Variants in NEMF observed in about 807,000 individuals in gnomAD.
The protein encoded by NEMF is nuclear export mediator factor.
Under a neutral mutation model 162.2 loss-of-function variants are expected in NEMF, and 89 were observed. That is an observed-to-expected ratio of 0.55 (90% CI 0.46 to 0.65). NEMF has a LOEUF of 0.65. NEMF is among the 30% of genes least tolerant of loss of function. The pLI is 0.00. For synonymous variants in NEMF, 421 were observed against 404.5 expected, an observed-to-expected ratio of 1.04 and a Z score of -0.49; for missense variants, 1,133 against 1,261.9, an observed-to-expected ratio of 0.90 and a Z score of 1.55.
In NEMF at chr14:49,847,949, T is replaced by C. The variant is rs1331320832; in HGVS notation, c.232-1684A>G. Reference sequence around the variant, plus strand: ...CAGGAGGCTGAGGCAAAAGAATCGCTTGAACCCAAGAGGCGGAGGTTACAG... The same window carrying C: ...CAGGAGGCTGAGGCAAAAGAATCGCCTGAACCCAAGAGGCGGAGGTTACAG... On this transcript the variant is annotated intron_variant, in intron 3 of 32. Transcript: ENST00000298310. 2.6e-5 allele frequency among the ~76,000 whole-genome samples: 4 copies of C among 151,444 alleles called. No individual in the cohort carries two copies. In the East Asian group the frequency reaches 7.9e-4, roughly 30 times the overall value.
At chr14:49,850,730 G>A (rs1318238659) in intron 3 of NEMF, among the ~76,000 whole-genome samples, 1 of 151,328 alleles carries the variant, frequency 6.6e-6, no homozygotes, top group Non-Finnish European at 1.5e-5. Flanking sequence ...AAAAAATACT[G>A]ACTGGGTACA....
intron 16 of NEMF, among the ~76,000 whole-genome samples, chr14:49,819,317 G>A (rs1296970142): frequency 1.3e-5 from 2 of 151,946 alleles, no homozygotes; most frequent in African/African-American, 2.4e-5. Context: ...AACTACGTGA[G>A]ATGATGCATA....
chr14:49,835,775 A>G (rs1261734545), intron 6 of NEMF, among the ~76,000 whole-genome samples: 1 of 152,250 alleles, frequency 6.6e-6, no homozygotes, highest in African/African-American at 2.4e-5. Flanking sequence ...GAACCCACAA[A>G]AAAACCCTAC....
chr14:49,829,007 A>T, intron 13 of NEMF, 47 bp downstream of exon 13: 1 of 1,534,356 alleles, frequency 6.5e-7, no homozygotes, highest in Non-Finnish European at 8.9e-7. Flanking sequence ...AATTAAAATA[A>T]CAAAATAAAG....
At chr14:49,831,236 A>G (rs373769041) in intron 11 of NEMF, 63 bp downstream of exon 11, 13 of 877,052 alleles carry the variant, frequency 1.5e-5, no homozygotes, top group Non-Finnish European at 2.5e-5. Context: ...CCTTTCCTAT[A>G]TCATCTACCC....
chr14:49,796,441 A>T, intron 25 of NEMF: 3 of 338,126 alleles, frequency 8.9e-6, no homozygotes, highest in South Asian at 2.3e-5. Context: ...ATTACATCCC[A>T]CCCAGACTTC....
At chr14:49,833,580 G>A in intron 7 of NEMF, 84 bp from the exon 8 acceptor site, 2 of 813,516 alleles carry the variant, frequency 2.5e-6, no homozygotes, top group Non-Finnish European at 3.9e-6. Context: ...AGAAAAACAG[G>A]AAAGTGCTTA....
chr14:49,798,465 T>C (rs866933265), intron 25 of NEMF, among the ~76,000 whole-genome samples: 12 of 152,208 alleles, frequency 7.9e-5, no homozygotes, highest in African/African-American at 2.9e-4. Context: ...TTAGAAGAGT[T>C]TTCAGTCTTT....
intron 1 of NEMF, 90 bp downstream of exon 1, chr14:49,852,605 A>G: frequency 7.1e-7 from 1 of 1,400,334 alleles, no homozygotes; most frequent in Non-Finnish European, 1.0e-6. Flanking sequence ...GAAATAAGGA[A>G]ACATATCAAG....
Position 49,820,486 on chromosome 14 carries a change from C to T in NEMF, c.1577+5381G>A, listed in dbSNP as rs375814555. 2.6e-5 allele frequency: 12 copies of T among 456,116 alleles called. No individual in the cohort carries two copies. In the East Asian group the frequency reaches 2.8e-4, roughly 11 times the overall value. 28.3% of individuals were successfully genotyped at this position (456,116 alleles called of 1,614,324 possible). The stretch of plus-strand genomic sequence containing the variant: ...AAGTATTGTATCAAGAGCTAATAAT[C>T]GGCTGGGCGCGGTGGCTCATGCCTA... On this transcript the variant is annotated intron_variant, in intron 16 of 32. Coordinates refer to ENST00000298310, the MANE Select transcript of NEMF (RefSeq NM_004713.6).
chr14:49,825,717 C>CA, intron 16 of NEMF, 150 bp downstream of exon 16: 1 of 580,314 alleles, frequency 1.7e-6, no homozygotes, highest in Non-Finnish European at 3.0e-6. Context: ...CCCTGGGTGA[C>CA]AGAGAACCTG....
intron 10 of NEMF, among the ~76,000 whole-genome samples, chr14:49,831,619 C>CAGAA (rs1340320029): frequency 1.3e-5 from 2 of 151,966 alleles, no homozygotes; most frequent in Non-Finnish European, 2.9e-5. Flanking sequence ...TGTAGTTTTT[C>CAGAA]AGAGACAGGG....
intron 3 of NEMF, among the ~76,000 whole-genome samples, chr14:49,847,192 CTTATTTATTTAT>C (rs111810839): frequency 1.3e-5 from 2 of 150,332 alleles, no homozygotes; most frequent in African/African-American, 2.4e-5. Flanking sequence ...CCAACCTTTA[CTTATTTATTTAT>C]TTATTTATTT....
In NEMF at chr14:49,784,607, T is replaced by C; in HGVS notation, c.*29A>G. On this transcript the variant is annotated 3_prime_UTR_variant, in exon 33 of 33. Coordinates refer to ENST00000298310, the MANE Select transcript of NEMF (RefSeq NM_004713.6). ...TTCCAAAAGGCTATAAAATTGGCTC[T>C]TCTCAAATATTTTAGAATTTCATTT... 1 of 1,535,722 alleles carries C rather than the reference T, an allele frequency of 6.5e-7. No individual in the cohort carries two copies. The highest frequency in any genetic ancestry group is 9.0e-7 in the Non-Finnish European group (1 of 1,115,470).
rs1890097789 is a variant in NEMF, at chr14:49,785,014, C to CA, written c.3074-11dup. The CA allele has an allele frequency of 1.9e-6, 3 of 1,611,278 alleles. No homozygotes were observed. In the East Asian group the frequency reaches 6.7e-5, roughly 36 times the overall value. Reference sequence around the variant, plus strand: ...AAGGCTGTTTTTGCAGCTGTAAATACAAAAAAGAGTAAGAATAATCTACTG... The same window carrying CA: ...AAGGCTGTTTTTGCAGCTGTAAATACAAAAAAAGAGTAAGAATAATCTACTG... On this transcript the variant is annotated splice_polypyrimidine_tract_variant and intron_variant, in intron 31 of 32. Transcript: ENST00000298310.
At chr14:49,796,431 A>C in intron 25 of NEMF, 1 of 361,190 alleles carries the variant, frequency 2.8e-6, no homozygotes, top group South Asian at 2.1e-5. Context: ...TCAGGTCCTC[A>C]TTACATCCCA....
chr14:49,786,127 G>C (rs1394768631), intron 29 of NEMF: 1 of 153,082 alleles, frequency 6.5e-6, no homozygotes, highest in African/African-American at 2.4e-5. Context: ...GAAGGAATAG[G>C]TAGGGGCTGC....
At chr14:49,823,204 T>C (rs1398001541) in intron 16 of NEMF, among the ~76,000 whole-genome samples, 1 of 151,972 alleles carries the variant, frequency 6.6e-6, no homozygotes, top group African/African-American at 2.4e-5. Context: ...TCTCCCAAAG[T>C]GCTAGGATTA....
At chr14:49,807,592 ATT>A (rs371689750) in intron 18 of NEMF, among the ~76,000 whole-genome samples, 177 of 125,332 alleles carry the variant, frequency 1.4e-3, no homozygotes, top group African/African-American at 4.7e-3. Context: ...GTATCTTGTG[ATT>A]TTTTTTTTTT....
Sources: allele counts gnomAD v4.1 joint callset (sites outside exome capture counted in the v4.1 genomes callset), GRCh38; gene constraint gnomAD v4.1.1; transcripts MANE v1.5; gene names NCBI Gene and HGNC (gene_info 2026-07-23, HGNC 2026-07-21).